The following LRMDA variants were observed in gnomAD, a reference collection of about 807,000 sequenced individuals.
The protein encoded by LRMDA is leucine rich melanocyte differentiation associated.
In LRMDA, 18 loss-of-function variants were observed where a neutral mutation model predicts 29.8. The ratio of observed to expected loss-of-function variants is 0.60; its 90% CI spans 0.42 to 0.90. The LOEUF (loss-of-function observed/expected upper bound fraction) is 0.90, where lower values mean the gene tolerates loss of function less well. LRMDA is among the 40% of genes least tolerant of loss of function. LRMDA has a pLI of 0.00. For synonymous variants in LRMDA, 125 were observed against 109.4 expected, an observed-to-expected ratio of 1.14 and a Z score of -0.89; for missense variants, 273 against 273.9, an observed-to-expected ratio of 1.00 and a Z score of 0.02.
At chr10:76,427,670 C>G (rs1354650003) in intron 6 of LRMDA, among the ~76,000 whole-genome samples, 1 of 152,122 alleles carries the variant, frequency 6.6e-6, no homozygotes. Context: ...GAGGGCATCC[C>G]TGTCTTGTGC....
At chr10:75,937,637 A>G (rs1041907579) in intron 2 of LRMDA, among the ~76,000 whole-genome samples, 1 of 152,220 alleles carries the variant, frequency 6.6e-6, no homozygotes, top group African/African-American at 2.4e-5. Flanking sequence ...GGGGGGCAGG[A>G]CTGGGTTATA....
intron 2 of LRMDA, among the ~76,000 whole-genome samples, chr10:75,927,356 TCTGC>T (rs1052299378): frequency 6.6e-6 from 1 of 152,152 alleles, no homozygotes; most frequent in African/African-American, 2.4e-5. Flanking sequence ...CCTGTAGAGA[TCTGC>T]CTGTTTTCTC....
At chr10:76,431,260 C>G (rs943598680) in intron 6 of LRMDA, among the ~76,000 whole-genome samples, 5 of 152,096 alleles carry the variant, frequency 3.3e-5, no homozygotes, top group Non-Finnish European at 7.4e-5. Context: ...TTGAGGCGGG[C>G]TGATGCAGAG....
chr10:75,600,613 A>G (rs1049230837), intron 2 of LRMDA, among the ~76,000 whole-genome samples: 5 of 152,198 alleles, frequency 3.3e-5, no homozygotes, highest in Admixed American at 2.6e-4. Context: ...TTCTGGGGCT[A>G]AAGTTCCCAG....
chr10:75,718,615 A>T (rs186323848), intron 2 of LRMDA, among the ~76,000 whole-genome samples: 42 of 152,384 alleles, frequency 2.8e-4, no homozygotes, highest in Middle Eastern at 3.4e-3. Context: ...TTTATGAAAC[A>T]CTTGTCATGA....
At chr10:75,561,465 T>G (rs1554900505) in intron 2 of LRMDA, among the ~76,000 whole-genome samples, 1 of 152,076 alleles carries the variant, frequency 6.6e-6, no homozygotes, top group Non-Finnish European at 1.5e-5. Context: ...ATTTTGTTGA[T>G]CCTTTCAAAA....
intron 2 of LRMDA, among the ~76,000 whole-genome samples, chr10:75,471,058 G>A (rs1402107288): frequency 6.6e-6 from 1 of 152,190 alleles, no homozygotes; most frequent in Non-Finnish European, 1.5e-5. Context: ...CTTGAGCAAA[G>A]AAGCCAGATT....
intron 2 of LRMDA, among the ~76,000 whole-genome samples, chr10:75,618,988 G>A (rs897505532): frequency 3.3e-5 from 5 of 151,812 alleles, no homozygotes; most frequent in Non-Finnish European, 5.9e-5. Context: ...TAGTAGAGAC[G>A]GGGTTTCACC....
At chr10:75,928,452 G>T (rs1589256501) in intron 2 of LRMDA, among the ~76,000 whole-genome samples, 1 of 152,180 alleles carries the variant, frequency 6.6e-6, no homozygotes, top group East Asian at 1.9e-4. Context: ...AAAAATGGCA[G>T]TACATTTGGC....
At chr10:75,745,649 TG>T (rs1399539796) in intron 2 of LRMDA, among the ~76,000 whole-genome samples, 1 of 152,206 alleles carries the variant, frequency 6.6e-6, no homozygotes, top group Non-Finnish European at 1.5e-5. Flanking sequence ...AAGAAAACAT[TG>T]GAACAATATT....
At chr10:75,529,136 A>T (rs549350011) in intron 2 of LRMDA, among the ~76,000 whole-genome samples, 48 of 152,346 alleles carry the variant, frequency 3.2e-4, no homozygotes, top group Non-Finnish European at 5.4e-4. Context: ...AAGGTTCCAG[A>T]TTGAAAGATT....
At chr10:76,240,851 TA>T in intron 5 of LRMDA, among the ~76,000 whole-genome samples, 1 of 135,022 alleles carries the variant, frequency 7.4e-6, no homozygotes, top group South Asian at 2.4e-4. Flanking sequence ...TGTGTGTATA[TA>T]TATATATACA....
intron 2 of LRMDA, among the ~76,000 whole-genome samples, chr10:75,898,497 T>C (rs1372935900): frequency 6.6e-6 from 1 of 152,106 alleles, no homozygotes; most frequent in Non-Finnish European, 1.5e-5. Context: ...GTGAGGAAAT[T>C]TAAAGAATTG....
At chr10:76,376,408 A>G (rs1186739851) in intron 6 of LRMDA, among the ~76,000 whole-genome samples, 1 of 152,120 alleles carries the variant, frequency 6.6e-6, no homozygotes, top group Non-Finnish European at 1.5e-5. Flanking sequence ...CATACATACA[A>G]ACATACACAC....
At chr10:75,739,105 ATGTTCTG>A (rs1842799548) in intron 2 of LRMDA, among the ~76,000 whole-genome samples, 1 of 152,192 alleles carries the variant, frequency 6.6e-6, no homozygotes, top group Non-Finnish European at 1.5e-5. Flanking sequence ...TATGGCTGAC[ATGTTCTG>A]TGTTTTCCCA....
chr10:76,391,540 A>T (rs950508430), intron 6 of LRMDA, among the ~76,000 whole-genome samples: 1 of 152,204 alleles, frequency 6.6e-6, no homozygotes, highest in Non-Finnish European at 1.5e-5. Flanking sequence ...AAGATCCATT[A>T]TGTCTGGTAA....
At chr10:76,440,936 G>T (rs1250381425) in intron 6 of LRMDA, among the ~76,000 whole-genome samples, 1 of 152,146 alleles carries the variant, frequency 6.6e-6, no homozygotes, top group Non-Finnish European at 1.5e-5. Flanking sequence ...TCCATCAGCT[G>T]ACTCTGACAG....
Position 75,757,147 on chromosome 10 carries a change from A to C in LRMDA, c.132-278861A>C, listed in dbSNP as rs544751332. Among the ~76,000 whole-genome samples, 139 of 152,362 alleles carry C rather than the reference A, an allele frequency of 9.1e-4. 2 individuals are homozygous for C. The South Asian group carries it at 0.02, about 22-fold the overall frequency. ...GTTTCAAAGACAGAAAGCAGAAACC[A>C]AATTTCCAGGGCTTAGCACAATAGA... On this transcript the variant is annotated intron_variant, in intron 2 of 6. Coordinates refer to ENST00000611255, the MANE Select transcript of LRMDA (RefSeq NM_001305581.2).
In LRMDA at chr10:76,501,232, CTAAGGTGAA is replaced by C. The variant is rs1842906066; in HGVS notation, c.602-55976_602-55968del. 3.3e-4 allele frequency among the ~76,000 whole-genome samples: 7 copies of C among 21,230 alleles called. 3 individuals carry two copies. Among genetic ancestry groups the C allele is most frequent in the Non-Finnish European group, 2.7e-3 (7 of 2,554 alleles). The allele number at this position is 21,230 out of a possible 152,430, so 13.9% of individuals were successfully genotyped here. On this transcript the variant is annotated intron_variant, in intron 6 of 6. Transcript: ENST00000611255. ...ATTATTTGTATAGCTGTGCAGCATTCTAAGGTGAACATATACCACAGTTTCCTTATTCAG... is the reference window on the plus strand; with the variant it reads ...ATTATTTGTATAGCTGTGCAGCATTCCATATACCACAGTTTCCTTATTCAG...
Sources: gnomAD v4.1 joint callset for allele counts (sites outside exome capture counted in the v4.1 genomes callset) on GRCh38, gnomAD v4.1.1 for gene constraint, MANE v1.5 for transcripts, NCBI Gene and HGNC (gene_info 2026-07-23, HGNC 2026-07-21) for gene names.